Variants in SLC16A5 observed in about 807,000 individuals in gnomAD.
SLC16A5 encodes monocarboxylate transporter 6.
Under a neutral mutation model 33.2 loss-of-function variants are expected in SLC16A5, and 29 were observed. The observed-to-expected ratio is 0.87, with a 90% CI of 0.65 to 1.19. The LOEUF is 1.19. SLC16A5 is among the 50% of genes most tolerant of loss of function. The pLI is 0.00. For synonymous variants in SLC16A5, 248 were observed against 284.1 expected (o/e 0.87, Z 1.28); for missense variants, 606 against 678.2 (o/e 0.89, Z 1.18).
chr17:75,100,680 C>CGTGTCCATG lies in SLC16A5; in HGVS notation c.1018_1026dup (p.Val340_Met342dup), dbSNP rs1568008134. ...TCGTGGGCTACTGCCTGGCGTACAG[C>CGTGTCCATG]GTGTCCATGAGTGGCATCGGCGCCC... On this transcript the variant is annotated inframe_insertion, in exon 5 of 7. Coordinates refer to ENST00000329783, the MANE Select transcript of SLC16A5 (RefSeq NM_004695.4). 6.2e-7 allele frequency: 1 copy of CGTGTCCATG among 1,614,222 alleles called. No homozygotes were observed. The highest frequency in any genetic ancestry group is 8.5e-7 in the Non-Finnish European group (1 of 1,180,046).
chr17:75,096,276 T>C (rs972297690), intron 3 of SLC16A5, among the ~76,000 whole-genome samples: 1 of 151,588 alleles, frequency 6.6e-6, no homozygotes, highest in Non-Finnish European at 1.5e-5. Flanking sequence ...ACACCCTGTG[T>C]CCCGCCCGGC....
intron 3 of SLC16A5, among the ~76,000 whole-genome samples, chr17:75,097,672 C>A (rs931357535): frequency 3.3e-5 from 5 of 152,164 alleles, no homozygotes; most frequent in African/African-American, 1.2e-4. Context: ...CTCCCACCAA[C>A]AGACCCCCAG....
At chr17:75,095,385 A>C (rs2073703902) in intron 3 of SLC16A5, among the ~76,000 whole-genome samples, 1 of 152,082 alleles carries the variant, frequency 6.6e-6, no homozygotes. Flanking sequence ...CAGGCATCTC[A>C]GCATCTCCAT....
intron 5 of SLC16A5, among the ~76,000 whole-genome samples, chr17:75,103,522 G>A: frequency 6.6e-6 from 1 of 150,786 alleles, no homozygotes; most frequent in Non-Finnish European, 1.5e-5. Context: ...TAGGAACAGG[G>A]TTTCACCATC....
chr17:75,108,745 T>C (rs2073882966), downstream of SLC16A5, among the ~76,000 whole-genome samples: 1 of 147,012 alleles, frequency 6.8e-6, no homozygotes, highest in Admixed American at 6.7e-5. Flanking sequence ...TATTTATCCT[T>C]AGGTAGAAGG....
At chr17:75,101,644 CT>C (rs1248916072) in intron 5 of SLC16A5, among the ~76,000 whole-genome samples, 1 of 148,694 alleles carries the variant, frequency 6.7e-6, no homozygotes, top group Admixed American at 6.8e-5. Flanking sequence ...CTCCTTTTTC[CT>C]TTTTGTTGAG....
rs758644893 is a variant in SLC16A5 at position 75,100,192 on chromosome 17, G to C, written c.529G>C (p.Gly177Arg). The C allele has an allele frequency of 6.2e-7, 1 of 1,614,202 alleles. No homozygotes were observed. The highest frequency in any genetic ancestry group is 8.5e-7 in the Non-Finnish European group (1 of 1,180,044). ...GWRGTFLVFG[G>R]IFLHCCICGA... ...GAGGGGTACCTTCCTTGTCTTCGGC[G>C]GGATCTTTCTCCACTGCTGCATCTG... The change falls in exon 5 of 7, where the codon GGG becomes CGG. Residue 177 changes from glycine (G) to arginine (R), a missense_variant. Transcript: ENST00000329783.
chr17:75,102,612 G>A (rs746376239), intron 5 of SLC16A5, among the ~76,000 whole-genome samples: 12 of 152,188 alleles, frequency 7.9e-5, no homozygotes, highest in South Asian at 2.1e-4. Flanking sequence ...CCTCGGTACC[G>A]GGGAGCAGTC....
intron 6 of SLC16A5, chr17:75,104,613 G>A (rs748779844): frequency 1.6e-5 from 9 of 566,316 alleles, no homozygotes; most frequent in East Asian, 1.4e-4. Flanking sequence ...CACCACTCCC[G>A]GCTAATTTTG....
downstream of SLC16A5, among the ~76,000 whole-genome samples, chr17:75,109,488 T>TCCCCAC: frequency 6.6e-6 from 1 of 152,020 alleles, no homozygotes; most frequent in Admixed American, 6.6e-5. This position sits in a 1 kb window ranked among gnomAD's most constrained non-coding sequence, Gnocchi z 5.0. Context: ...ACCCTGGAGG[T>TCCCCAC]GCTTCTGCCT....
downstream of SLC16A5, among the ~76,000 whole-genome samples, chr17:75,107,671 G>A (rs1437921064): frequency 6.6e-6 from 1 of 152,212 alleles, no homozygotes; most frequent in Non-Finnish European, 1.5e-5. Context: ...GGGCGCAGTG[G>A]CTCACGCCTG....
At chr17:75,102,931 GC>G (rs1426894136) in intron 5 of SLC16A5, among the ~76,000 whole-genome samples, 1 of 149,858 alleles carries the variant, frequency 6.7e-6, no homozygotes, top group African/African-American at 2.5e-5. Flanking sequence ...TCGCTCTATT[GC>G]CAGGCTGGAG....
At chr17:75,097,940 C>T (rs1473941048) in intron 3 of SLC16A5, 98 bp from the exon 4 acceptor site, 1 of 1,414,006 alleles carries the variant, frequency 7.1e-7, no homozygotes, top group Admixed American at 2.5e-5. Context: ...TTGAAACCAC[C>T]TGGCTAGTTC....
intron 2 of SLC16A5, among the ~76,000 whole-genome samples, chr17:75,092,193 G>A (rs570905429): frequency 6.6e-5 from 10 of 152,158 alleles, no homozygotes; most frequent in Admixed American, 6.5e-4. Context: ...GTCTGCTAGT[G>A]TGTCTTGTGT....
chr17:75,091,827 C>T (rs929440569), intron 2 of SLC16A5, among the ~76,000 whole-genome samples: 6 of 152,062 alleles, frequency 3.9e-5, no homozygotes, highest in East Asian at 1.9e-4. Flanking sequence ...AGCCCCCAGG[C>T]GGTGAGGTCT....
intron 2 of SLC16A5, among the ~76,000 whole-genome samples, chr17:75,092,195 G>C (rs1201476411): frequency 6.6e-6 from 1 of 152,018 alleles, no homozygotes; most frequent in African/African-American, 2.4e-5. Context: ...CTGCTAGTGT[G>C]TCTTGTGTAC....
chr17:75,088,537 A>G (rs977917417), intron 1 of SLC16A5, among the ~76,000 whole-genome samples: 1 of 152,102 alleles, frequency 6.6e-6, no homozygotes, highest in Non-Finnish European at 1.5e-5. Context: ...GGCCAACCAC[A>G]GGGTTGAGGG....
chr17:75,099,359 G>A (rs559415280), intron 4 of SLC16A5, among the ~76,000 whole-genome samples: 9 of 152,128 alleles, frequency 5.9e-5, no homozygotes, highest in Non-Finnish European at 1.0e-4. Context: ...TGGATTTTTT[G>A]TCAAGTGTGA....
chr17:75,103,575 A>G (rs1339077828), intron 5 of SLC16A5, among the ~76,000 whole-genome samples: 1 of 140,812 alleles, frequency 7.1e-6, no homozygotes. Flanking sequence ...TGATCTACCC[A>G]CCTCAGCCTC....
Sources: allele counts gnomAD v4.1 joint callset (sites outside exome capture counted in the v4.1 genomes callset), GRCh38; gene constraint gnomAD v4.1.1; non-coding constraint Gnocchi (gnomAD v3.1); transcripts MANE v1.5; gene names NCBI Gene and HGNC (gene_info 2026-07-23, HGNC 2026-07-21).